The following GPCPD1 variants were observed in gnomAD, a reference collection of about 807,000 sequenced individuals.
GPCPD1 encodes glycerophosphocholine phosphodiesterase 1.
GPCPD1 carries 29 observed loss-of-function variants against 89.2 expected under a neutral mutation model. That is an observed-to-expected ratio of 0.33 (90% CI 0.24 to 0.44). The LOEUF (loss-of-function observed/expected upper bound fraction) is 0.44. Ranked by LOEUF, GPCPD1 falls within the 20% of genes least tolerant of loss-of-function variation. The pLI, the probability that GPCPD1 is intolerant of heterozygous loss-of-function variation, is 1.00. For synonymous variants in GPCPD1, 258 were observed against 266.3 expected (o/e 0.97, Z 0.30); for missense variants, 594 against 808.9 (o/e 0.73, Z 3.22).
At chr20:5,557,706 C>A (rs1180412726) in intron 19 of GPCPD1, among the ~76,000 whole-genome samples, 2 of 152,140 alleles carry the variant, frequency 1.3e-5, no homozygotes, top group African/African-American at 4.8e-5. Context: ...GTCACCCTCA[C>A]CCCCAGGGTG....
At chr20:5,579,793 C>G (rs1436038572) in intron 7 of GPCPD1, among the ~76,000 whole-genome samples, 1 of 152,182 alleles carries the variant, frequency 6.6e-6, no homozygotes, top group East Asian at 1.9e-4. Flanking sequence ...TCTATATAAA[C>G]AAATGTTTTC....
intron 8 of GPCPD1, among the ~76,000 whole-genome samples, chr20:5,577,004 A>G (rs1978291084): frequency 6.6e-6 from 1 of 151,972 alleles, no homozygotes; most frequent in Non-Finnish European, 1.5e-5. Context: ...CAGGAGTTCA[A>G]GACCAGCCTG....
In GPCPD1 at chr20:5,546,442, CCTT is replaced by C. The variant is rs1211408495; in HGVS notation, c.*1216_*1218del. On this transcript the variant is annotated 3_prime_UTR_variant, in exon 20 of 20. Coordinates refer to ENST00000379019, the MANE Select transcript of GPCPD1 (RefSeq NM_019593.5). The stretch of plus-strand genomic sequence containing the variant: ...ATAAAACCATTCTACAAAAGTAACA[CCTT>C]CTTGAAATTTCATTTTGTAATGAAG... 1 of 152,158 alleles carries C rather than the reference CCTT, an allele frequency of 6.6e-6. No homozygotes were observed. The allele number at this position is 152,158 out of a possible 1,614,324, so 9.4% of individuals were successfully genotyped here. A position where few individuals can be genotyped will look rare whatever the true frequency, so the allele number is the denominator to read the frequency against.
chr20:5,576,618 A>G (rs1371927862), intron 8 of GPCPD1, among the ~76,000 whole-genome samples: 1 of 152,128 alleles, frequency 6.6e-6, no homozygotes, highest in East Asian at 1.9e-4. Flanking sequence ...AGTCTCATTC[A>G]GTATAAGCAC....
intron 2 of GPCPD1, among the ~76,000 whole-genome samples, chr20:5,599,630 C>T (rs1979983295): frequency 6.6e-6 from 1 of 152,046 alleles, no homozygotes; most frequent in Non-Finnish European, 1.5e-5. Flanking sequence ...TCTGGGCTCA[C>T]TGCAACCTCC....
chr20:5,567,613 G>T (rs1266828282), intron 12 of GPCPD1, 53 bp from the exon 13 acceptor site: 3 of 1,457,610 alleles, frequency 2.1e-6, no homozygotes, highest in East Asian at 4.9e-5. Flanking sequence ...AGAAAATTAA[G>T]AGAAAAGTAA....
rs1275869512 is a variant in GPCPD1 at position 5,555,887 on chromosome 20, C to T, written c.1829+2058G>A. 2.0e-5 allele frequency among the ~76,000 whole-genome samples: 3 copies of T among 152,110 alleles called. No individual in the cohort carries two copies. In the East Asian group the frequency reaches 5.8e-4, roughly 29 times the overall value. Reference sequence around the variant, plus strand: ...AAAAACAAATAAAAAAGATGTTTTACTGTGGGTGAAAAATGCTCTTAAACA... The same window carrying T: ...AAAAACAAATAAAAAAGATGTTTTATTGTGGGTGAAAAATGCTCTTAAACA... On this transcript the variant is annotated intron_variant, in intron 19 of 19. Transcript: ENST00000379019.
chr20:5,596,154 G>A (rs999442598), intron 3 of GPCPD1, among the ~76,000 whole-genome samples: 3 of 151,972 alleles, frequency 2.0e-5, no homozygotes, highest in Non-Finnish European at 2.9e-5. Context: ...TACCCAGCAC[G>A]CTGGGAGGCT....
Position 5,586,220 on chromosome 20 carries a change from AGAT to A in GPCPD1, c.278_280del (p.His93del). On this transcript the variant is annotated inframe_deletion, in exon 5 of 20. Coordinates refer to ENST00000379019, the MANE Select transcript of GPCPD1 (RefSeq NM_019593.5). ...TAAAGGGGTTATTGATCGTGGTTGT[AGAT>A]GAGTCTCCCACTTGTGAACTATCAC... is the stretch of plus-strand genomic sequence containing the variant. 6.3e-7 allele frequency: 1 copy of A among 1,595,240 alleles called. No homozygotes were observed. Among genetic ancestry groups the A allele is most frequent in the Non-Finnish European group, 8.6e-7 (1 of 1,162,868 alleles).
intron 15 of GPCPD1, among the ~76,000 whole-genome samples, chr20:5,562,307 T>C (rs571834441): frequency 7.2e-5 from 11 of 152,138 alleles, no homozygotes; most frequent in Non-Finnish European, 1.3e-4. Flanking sequence ...TTTTGAGGCA[T>C]AGTCTCACTC....
intron 4 of GPCPD1, 146 bp from the exon 5 acceptor site, chr20:5,586,415 T>C (rs1978924920): frequency 8.8e-6 from 5 of 565,530 alleles, no homozygotes; most frequent in Admixed American, 6.2e-5. Flanking sequence ...GCCAAAAGCC[T>C]GGAATGTACC....
At chr20:5,582,203 A>AAAC (rs1290409525) in intron 6 of GPCPD1, among the ~76,000 whole-genome samples, 1 of 141,536 alleles carries the variant, frequency 7.1e-6, no homozygotes, top group Non-Finnish European at 1.5e-5. Flanking sequence ...AAAAAAAAAA[A>AAAC]AAAAAAAAAA....
At chr20:5,560,159 T>C (rs1241732477) in intron 16 of GPCPD1, 83 bp from the exon 17 acceptor site, 4 of 974,310 alleles carry the variant, frequency 4.1e-6, no homozygotes, top group Admixed American at 3.0e-5. Context: ...TGGCAAGCTA[T>C]GATGAAAAAA....
At chr20:5,581,524 G>A (rs1024034960) in intron 6 of GPCPD1, among the ~76,000 whole-genome samples, 2 of 152,144 alleles carry the variant, frequency 1.3e-5, no homozygotes, top group African/African-American at 4.8e-5. Flanking sequence ...TGCCGGGGGT[G>A]TGAGATATCA....
At chr20:5,597,153 C>G (rs1979788970) in intron 3 of GPCPD1, among the ~76,000 whole-genome samples, 1 of 152,128 alleles carries the variant, frequency 6.6e-6, no homozygotes, top group South Asian at 2.1e-4. Context: ...ATACTATTTA[C>G]CAACAGAACT....
At chr20:5,590,278 T>G (rs1424706937) in intron 4 of GPCPD1, among the ~76,000 whole-genome samples, 1 of 152,020 alleles carries the variant, frequency 6.6e-6, no homozygotes, top group Non-Finnish European at 1.5e-5. Context: ...CGGTGGCTCC[T>G]GCTTGTAATC....
intron 2 of GPCPD1, among the ~76,000 whole-genome samples, chr20:5,601,518 A>G (rs1033784500): frequency 6.6e-6 from 1 of 151,704 alleles, no homozygotes; most frequent in African/African-American, 2.4e-5. Context: ...ACAGGCACGC[A>G]CCATCATGCC....
chr20:5,603,478 A>G (rs1398723208), intron 2 of GPCPD1, among the ~76,000 whole-genome samples: 1 of 152,118 alleles, frequency 6.6e-6, no homozygotes, highest in African/African-American at 2.4e-5. Context: ...GGCAGAGGAA[A>G]CAGCATTTGA....
At chr20:5,585,161 A>T (rs1177021844) in intron 5 of GPCPD1, 7 of 152,202 alleles carry the variant, frequency 4.6e-5, no homozygotes. Flanking sequence ...TTAAAATACA[A>T]TTTTTTAAAA....
Sources: gnomAD v4.1 joint callset for allele counts (sites outside exome capture counted in the v4.1 genomes callset) on GRCh38, gnomAD v4.1.1 for gene constraint, MANE v1.5 for transcripts, NCBI Gene and HGNC (gene_info 2026-07-23, HGNC 2026-07-21) for gene names.